Variants in DCHS1 observed in about 807,000 individuals in gnomAD.
DCHS1 encodes protocadherin-16.
In DCHS1, 78 loss-of-function variants were observed where a neutral mutation model predicts 213.9. That is an observed-to-expected ratio of 0.36 (90% confidence interval 0.30 to 0.44). DCHS1 has a LOEUF of 0.44. Ranked by LOEUF, DCHS1 falls within the 20% of genes least tolerant of loss-of-function variation. The pLI is 1.00. For missense variants in DCHS1, 3,946 were observed against 4,395.9 expected, an observed-to-expected ratio of 0.90 and a Z score of 2.89; for synonymous variants, 1,828 against 1,873.7, an observed-to-expected ratio of 0.98 and a Z score of 0.63.
chr11:6,629,347 T>C, intron 12 of DCHS1, 105 bp downstream of exon 12: 1 of 1,463,788 alleles, frequency 6.8e-7, no homozygotes, highest in South Asian at 1.4e-5. Flanking sequence ...AGCTTTGTGG[T>C]AATAGGCAAA....
Position 6,632,487 on chromosome 11 carries a change from G to C in DCHS1, c.3025C>G (p.Leu1009Val), listed in dbSNP as rs1264668352. 1 of 1,578,828 alleles carries C rather than the reference G, an allele frequency of 6.3e-7. No homozygotes were observed. The highest frequency in any genetic ancestry group is 8.6e-7 in the Non-Finnish European group (1 of 1,160,566). Residue 1009 changes from leucine (L) to valine (V), a missense_variant, in exon 6 of 21, where the codon CTG becomes GTG. Coordinates refer to ENST00000299441, the MANE Select transcript of DCHS1 (RefSeq NM_003737.4). This position sits in a 1 kb window ranked among gnomAD's most constrained non-coding sequence, Gnocchi z 5.9. ...RFNSPTYRVD[L>V]PSGTTAGTQV... is the part of the protein sequence containing the mutation. Reference sequence around the variant, plus strand: ...GTTCCAGCAGTGGTGCCTGAGGGCAGGTCCACACGGTAGGTAGGGCTGTTG... The same window carrying C: ...GTTCCAGCAGTGGTGCCTGAGGGCACGTCCACACGGTAGGTAGGGCTGTTG...
In DCHS1 at chr11:6,641,851, C is replaced by A; in HGVS notation, c.-120-118G>T. 1 of 872,166 alleles carries A rather than the reference C, an allele frequency of 1.1e-6. No homozygotes were observed. The highest frequency in any genetic ancestry group is 1.7e-6 in the Non-Finnish European group (1 of 600,498). The allele number at this position is 872,166 out of a possible 1,614,324, so 54.0% of individuals were successfully genotyped here. ...CAGCCCCCAGCAGGCCCTTGTGCTG[C>A]CTCACACTCATCTTGGGCCACACGG... On this transcript the variant is annotated intron_variant, in intron 1 of 20. Coordinates refer to ENST00000299441, the MANE Select transcript of DCHS1 (RefSeq NM_003737.4). This position sits in a 1 kb window ranked among gnomAD's most constrained non-coding sequence, Gnocchi z 7.1.
At position 6,630,711 on chromosome 11, in the gene DCHS1, A is replaced by G; in HGVS notation, c.4083T>C (p.Gly1361=). The change falls in exon 10 of 21, where the codon GGT becomes GGC. Residue 1361 remains glycine (G), a synonymous_variant. Transcript: ENST00000299441. ...LGSVAAPEPA[G]VGALTYTLVG... is the part of the protein sequence containing the mutation. ...CCAGTGTGTAGGTGAGTGCACCCAC[A>G]CCCGCGGGCTCTGGCGCTGCCACCG... 6.5e-7 allele frequency: 1 copy of G among 1,543,316 alleles called. No individual in the cohort carries two copies. Among genetic ancestry groups the G allele is most frequent in the Non-Finnish European group, 8.7e-7 (1 of 1,147,602 alleles).
At chr11:6,636,680 C>T (rs1440037003) in intron 2 of DCHS1, among the ~76,000 whole-genome samples, 2 of 152,258 alleles carry the variant, frequency 1.3e-5, no homozygotes, top group East Asian at 3.9e-4. Context: ...CCTGCTTCTC[C>T]ACCCACTGCT....
intron 1 of DCHS1, among the ~76,000 whole-genome samples, chr11:6,648,037 T>C (rs1856190817): frequency 6.6e-6 from 1 of 152,178 alleles, no homozygotes; most frequent in Non-Finnish European, 1.5e-5. Flanking sequence ...TCTGGCCAGG[T>C]TACTAAAGTG....
In DCHS1 at chr11:6,632,864, A is replaced by G; in HGVS notation, c.2648T>C (p.Leu883Pro). 6.2e-7 allele frequency: 1 copy of G among 1,614,046 alleles called. No individual in the cohort carries two copies. The highest frequency in any genetic ancestry group is 1.1e-5 in the South Asian group (1 of 91,092). ...GGAGTTGTCATTCACATCATCCAGC[A>G]GCACACGCACCCGAGCTACAGCGAA... is the stretch of plus-strand genomic sequence containing the variant. Reference protein sequence around the residue: ...PAFAVARVRVLLDDVNDNSPA... With the variant: ...PAFAVARVRVPLDDVNDNSPA... The change falls in exon 6 of 21, where the codon CTG (leucine) becomes CCG (proline). Residue 883 changes from leucine (L) to proline (P), a missense_variant. Transcript: ENST00000299441. The surrounding 1 kb of genome is among the most constrained non-coding windows in gnomAD (Gnocchi z 5.9).
intron 2 of DCHS1, chr11:6,635,007 G>A (rs1053568985): frequency 3.9e-5 from 6 of 152,198 alleles, no homozygotes; most frequent in African/African-American, 1.4e-4. Flanking sequence ...AGGACCAACT[G>A]TACTTAGAAA....
rs370374810 is a variant in DCHS1 at position 6,632,564 on chromosome 11, C to A, written c.2948G>T (p.Arg983Leu). The change falls in exon 6 of 21, where the codon CGA (arginine) becomes CTA (leucine). Residue 983 changes from arginine (R) to leucine (L), a missense_variant. Coordinates refer to ENST00000299441, the MANE Select transcript of DCHS1 (RefSeq NM_003737.4). The surrounding 1 kb of genome is among the most constrained non-coding windows in gnomAD (Gnocchi z 5.9). ...GGSPPRTSHF[R>L]LRVVVQDVGT... The stretch of plus-strand genomic sequence containing the variant: ...CACATCCTGTACCACCACCCGTAGT[C>A]GAAAGTGGCTGGTGCGTGGTGGGGA... 8 of 1,517,732 alleles carry A rather than the reference C, an allele frequency of 5.3e-6. No homozygotes were observed. The South Asian group carries it at 1.0e-4, about 20-fold the overall frequency. The allele number at this position is 1,517,732 out of a possible 1,614,324, so 94.0% of individuals were successfully genotyped here. A position where few individuals can be genotyped will look rare whatever the true frequency, so the allele number is the denominator to read the frequency against.
chr11:6,621,338 G>C lies in DCHS1; in HGVS notation c.*441C>G. The C allele has an allele frequency of 3.4e-6, 1 of 293,480 alleles. No homozygotes were observed. Among genetic ancestry groups the C allele is most frequent in the South Asian group, 3.2e-5 (1 of 31,226 alleles). 18.2% of individuals were successfully genotyped at this position (293,480 alleles called of 1,614,324 possible). A position where few individuals can be genotyped will look rare whatever the true frequency, so the allele number is the denominator to read the frequency against. ...CAAAGCTGGAGACTGGATACAAATTGCAGTTTATTAAGGCTCCAGAGTGAG... is the reference window on the plus strand; with the variant it reads ...CAAAGCTGGAGACTGGATACAAATTCCAGTTTATTAAGGCTCCAGAGTGAG... On this transcript the variant is annotated 3_prime_UTR_variant, in exon 21 of 21. Transcript: ENST00000299441.
Position 6,623,999 on chromosome 11 carries a change from A to C in DCHS1, c.7677T>G (p.Pro2559=). The C allele has an allele frequency of 1.2e-6, 2 of 1,612,620 alleles. No homozygotes were observed. Among genetic ancestry groups the C allele is most frequent in the East Asian group, 2.2e-5 (1 of 44,820 alleles). ...ACTGTGTCAGGCTTTCAAAGTCTAG[A>C]GGTTCAAGCAACACCAGGCAGCCCA... ...RALGCLVLLE[P]LDFESLTQYN... is the part of the protein sequence containing the mutation. The change falls in exon 21 of 21, where the codon CCT becomes CCG. Residue 2559 remains proline, a synonymous_variant. Transcript: ENST00000299441.
Position 6,622,258 on chromosome 11 carries a change from T to G in DCHS1, c.9418A>C (p.Lys3140Gln), listed in dbSNP as rs760382120. The G allele has an allele frequency of 5.0e-6, 8 of 1,604,176 alleles. No individual in the cohort carries two copies. The East Asian group carries it at 1.8e-4, about 36-fold the overall frequency. ...TGDYGFPADGKPCVAGALTAI... is the reference protein window; with the variant it reads ...TGDYGFPADGQPCVAGALTAI... ...GTCAGCGCACCTGCCACACATGGCT[T>G]GCCATCTGCTGGGAAGCCATAGTCC... The change falls in exon 21 of 21, where the codon AAG (lysine) becomes CAG (glutamine). Residue 3140 changes from lysine to glutamine, a missense_variant. This residue lies in a region of DCHS1 where 554 missense variants were observed against 590.2 expected (regional missense o/e 0.94). Transcript: ENST00000299441. This position sits in a 1 kb window ranked among gnomAD's most constrained non-coding sequence, Gnocchi z 5.4.
Position 6,641,578 on chromosome 11 carries a change from A to T in DCHS1, c.36T>A (p.Pro12=), listed in dbSNP as rs1461594707. The part of the protein sequence containing the change: ...QKELGIVPSC[P]GMKSPRPHLL... ...GGTGGGGCCTGGGGCTCTTCATGCCAGGGCAGGAAGGCACAATGCCCAGCT... is the reference window on the plus strand; with the variant it reads ...GGTGGGGCCTGGGGCTCTTCATGCCTGGGCAGGAAGGCACAATGCCCAGCT... Residue 12 remains proline (P), a synonymous_variant, in exon 2 of 21, where the codon CCT becomes CCA. Coordinates refer to ENST00000299441, the MANE Select transcript of DCHS1 (RefSeq NM_003737.4). The surrounding 1 kb of genome is among the most constrained non-coding windows in gnomAD (Gnocchi z 7.1). 1.3e-6 allele frequency: 2 copies of T among 1,550,458 alleles called. No individual in the cohort carries two copies. Among genetic ancestry groups the T allele is most frequent in the Non-Finnish European group, 1.7e-6 (2 of 1,146,760 alleles).
chr11:6,640,656 G>A lies in DCHS1; in HGVS notation c.958C>T (p.Leu320=), dbSNP rs780313382. The change falls in exon 2 of 21, where the codon CTG becomes TTG. Residue 320 remains leucine (L), a synonymous_variant. Coordinates refer to ENST00000299441, the MANE Select transcript of DCHS1 (RefSeq NM_003737.4). This position sits in a 1 kb window ranked among gnomAD's most constrained non-coding sequence, Gnocchi z 6.5. ...HTGLLQLERP[L]DFEQRRVHEL... is the part of the protein sequence containing the mutation. ...TGGACCCGCCGCTGCTCAAAGTCCA[G>A]TGGCCGCTCTAACTGCAGCAGCCCC... is the stretch of plus-strand genomic sequence containing the variant. 4.3e-6 allele frequency: 7 copies of A among 1,612,808 alleles called. No individual in the cohort carries two copies. Among genetic ancestry groups the A allele is most frequent in the South Asian group, 3.3e-5 (3 of 91,088 alleles).
rs1306098661 is a variant in DCHS1 at position 6,633,508 on chromosome 11, G to C, written c.2359C>G (p.Pro787Ala). The C allele has an allele frequency of 6.3e-7, 1 of 1,583,980 alleles. No homozygotes were observed. The highest frequency in any genetic ancestry group is 8.6e-7 in the Non-Finnish European group (1 of 1,164,404). ...TACTGTAGTTGCTCAAATATGGGTGGTGTGGGGGTTCCAGGCACAATGCTG... is the reference window on the plus strand; with the variant it reads ...TACTGTAGTTGCTCAAATATGGGTGCTGTGGGGGTTCCAGGCACAATGCTG... ...DISIVPGTPT[P>A]PIFEQLQYVF... is the part of the protein sequence containing the mutation. Residue 787 changes from proline to alanine, a missense_variant, in exon 5 of 21, where the codon CCA becomes GCA. By Grantham distance (27) the Pro-to-Ala change is conservative (BLOSUM62 -1). Around this residue, in one of 3 missense-constraint regions of DCHS1, gnomAD observed 3,384 missense variants for 3,780.1 expected, o/e 0.90. Transcript: ENST00000299441.
intron 20 of DCHS1, 43 bp from the exon 21 acceptor site, chr11:6,624,433 C>A: frequency 6.7e-7 from 1 of 1,502,002 alleles, no homozygotes; most frequent in Non-Finnish European, 8.9e-7. Flanking sequence ...TCAGCAAAGG[C>A]TGTGAGTGAA....
chr11:6,651,837 G>A (rs1286973651), intron 1 of DCHS1, among the ~76,000 whole-genome samples: 1 of 152,172 alleles, frequency 6.6e-6, no homozygotes, highest in East Asian at 1.9e-4. Context: ...GTCATTTGGG[G>A]AAGGAAGGAA....
rs771545363 is a variant in DCHS1 at position 6,632,342 on chromosome 11, C to T, written c.3170G>A (p.Arg1057Gln). 61 of 1,613,942 alleles carry T rather than the reference C, an allele frequency of 3.8e-5. No individual in the cohort carries two copies. Among genetic ancestry groups the T allele is most frequent in the South Asian group, 3.5e-4 (32 of 91,090 alleles). ...LEPQSGWLWV[R>Q]AALDREAQEL... ...CTGGGCCTCACGGTCTAGTGCTGCC[C>T]GCACCCATAGCCACCCACTCTGTGG... Residue 1057 changes from arginine (R) to glutamine (Q), a missense_variant, in exon 6 of 21, where the codon CGG (arginine) becomes CAG (glutamine). By Grantham distance (43) the Arg-to-Gln change is conservative (BLOSUM62 1). Coordinates refer to ENST00000299441, the MANE Select transcript of DCHS1 (RefSeq NM_003737.4). This position sits in a 1 kb window ranked among gnomAD's most constrained non-coding sequence, Gnocchi z 5.9.
Position 6,628,938 on chromosome 11 carries a change from G to T in DCHS1, c.5162-108C>A. The T allele has an allele frequency of 8.4e-7, 1 of 1,189,124 alleles. No homozygotes were observed. The highest frequency in any genetic ancestry group is 1.2e-6 in the Non-Finnish European group (1 of 823,468). 73.7% of individuals were successfully genotyped at this position (1,189,124 alleles called of 1,614,324 possible). A position where few individuals can be genotyped will look rare whatever the true frequency, so the allele number is the denominator to read the frequency against. ...ACTAGGTGCACACAAACCAGAAAAT[G>T]TCCATCTCTCCATACCTCTCAGGCA... On this transcript the variant is annotated intron_variant, in intron 12 of 20. Transcript: ENST00000299441. This position sits in a 1 kb window ranked among gnomAD's most constrained non-coding sequence, Gnocchi z 4.3.
Position 6,625,518 on chromosome 11 carries a change from A to G in DCHS1, c.6863-37T>C. 6 of 1,608,500 alleles carry G rather than the reference A, an allele frequency of 3.7e-6. No individual in the cohort carries two copies. Among genetic ancestry groups the G allele is most frequent in the Non-Finnish European group, 5.1e-6 (6 of 1,178,380 alleles). ...GAGACTAGTGTGTTTGGCAATGGACACAGCCCCACCTTGAGCTGCAGGGTG... is the reference window on the plus strand; with the variant it reads ...GAGACTAGTGTGTTTGGCAATGGACGCAGCCCCACCTTGAGCTGCAGGGTG... On this transcript the variant is annotated intron_variant, in intron 18 of 20. Transcript: ENST00000299441. This position sits in a 1 kb window ranked among gnomAD's most constrained non-coding sequence, Gnocchi z 5.3.
Sources: allele counts gnomAD v4.1 joint callset (sites outside exome capture counted in the v4.1 genomes callset), GRCh38; gene constraint gnomAD v4.1.1; regional missense constraint gnomAD v4.1.1; non-coding constraint Gnocchi (gnomAD v3.1); transcripts MANE v1.5; gene names NCBI Gene and HGNC (gene_info 2026-07-23, HGNC 2026-07-21).